MICAL1: variants seen among roughly 807,000 people sequenced by gnomAD.
MICAL1 encodes the protein [F-actin]-monooxygenase MICAL1.
Under a neutral mutation model 131.8 loss-of-function variants are expected in MICAL1, and 95 were observed. The observed-to-expected ratio is 0.72, with a 90% CI of 0.61 to 0.86. MICAL1 has a LOEUF of 0.86. MICAL1 is among the 40% of genes least tolerant of loss of function. The pLI is 0.00. For missense variants in MICAL1, 1,292 were observed against 1,380.6 expected, an observed-to-expected ratio of 0.94 and a Z score of 1.02; for synonymous variants, 546 against 554.2, an observed-to-expected ratio of 0.99 and a Z score of 0.21.
upstream of MICAL1, chr6:109,455,797 G>T: frequency 1.1e-6 from 1 of 883,000 alleles, no homozygotes; most frequent in Non-Finnish European, 1.3e-6. This position sits in a 1 kb window ranked among gnomAD's most constrained non-coding sequence, Gnocchi z 4.7. Context: ...GCGGGGGCGG[G>T]GGCGGGGGCG....
chr6:109,451,613 C>G lies in MICAL1; in HGVS notation c.920G>C (p.Gly307Ala), dbSNP rs1241662552. ...TAKKQCLLRL[G>A]VLRQDWPDTN... ...ACTGGGCCTCACCTGGCGCAGCACCCCCAGCCGCAGCAGGCACTGCTTCTT... is the reference window on the plus strand; with the variant it reads ...ACTGGGCCTCACCTGGCGCAGCACCGCCAGCCGCAGCAGGCACTGCTTCTT... The change falls in exon 7 of 25, where the codon GGG becomes GCG. Residue 307 changes from glycine to alanine, a missense_variant. Transcript: ENST00000358807. 1 of 1,613,976 alleles carries G rather than the reference C, an allele frequency of 6.2e-7. No homozygotes were observed. Among genetic ancestry groups the G allele is most frequent in the Non-Finnish European group, 8.5e-7 (1 of 1,179,984 alleles).
intron 13 of MICAL1, 26 bp downstream of exon 13, chr6:109,448,176 AT>A: frequency 1.3e-6 from 2 of 1,514,502 alleles, no homozygotes; most frequent in Non-Finnish European, 1.8e-6. Flanking sequence ...CATCCCAGTT[AT>A]CCTGCCCGCC....
rs1775173289 is a variant in MICAL1, at chr6:109,445,533, T to C, written c.2674-4A>G. ...TCTTGGCAAAGGTCTGCAGGGCCTA[T>C]AGGAGGGTCAGGCCAGTCAGGGATA... is the stretch of plus-strand genomic sequence containing the variant. On this transcript the variant is annotated splice_region_variant and splice_polypyrimidine_tract_variant and intron_variant, in intron 20 of 24. Coordinates refer to ENST00000358807, the MANE Select transcript of MICAL1 (RefSeq NM_022765.4). The C allele has an allele frequency of 6.2e-7, 1 of 1,613,992 alleles. No homozygotes were observed. The highest frequency in any genetic ancestry group is 8.5e-7 in the Non-Finnish European group (1 of 1,179,980).
In MICAL1 at chr6:109,451,640, G is replaced by C. The variant is rs1271582285; in HGVS notation, c.893C>G (p.Ala298Gly). The C allele has an allele frequency of 3.1e-6, 5 of 1,614,064 alleles. No homozygotes were observed. In the East Asian group the frequency reaches 1.1e-4, roughly 36 times the overall value. ...CAGCCGCAGCAGGCACTGCTTCTTG[G>C]CTGTCATCACAAAGTAGTGGGTGTC... ...KDDTHYFVMT[A>G]KKQCLLRLGV... The change falls in exon 7 of 25, where the codon GCC becomes GGC. Residue 298 changes from alanine (A) to glycine (G), a missense_variant. Ala to Gly is a moderately conservative substitution (Grantham distance 60, BLOSUM62 0). Transcript: ENST00000358807.
Position 109,445,452 on chromosome 6 carries a change from C to T in MICAL1, c.2751G>A (p.Ala917=), listed in dbSNP as rs748914346. ...AGAACCTCTTCATCTCCTCCTCCTTCGCACGGCGCAGCAGAGTCCGACGCC... is the reference window on the plus strand; with the variant it reads ...AGAACCTCTTCATCTCCTCCTCCTTTGCACGGCGCAGCAGAGTCCGACGCC... ...PTWRRTLLRR[A]KEEEMKRFCK... is the part of the protein sequence containing the mutation. The change falls in exon 21 of 25, where the codon GCG becomes GCA. Residue 917 remains alanine, a synonymous_variant. Transcript: ENST00000358807. 16 of 1,613,982 alleles carry T rather than the reference C, an allele frequency of 9.9e-6. 1 individual carries two copies. The highest frequency in any genetic ancestry group is 6.6e-5 in the South Asian group (6 of 91,090).
At chr6:109,455,856 C>T, upstream of MICAL1, 1 of 985,612 alleles carries the variant, frequency 1.0e-6, no homozygotes, top group Non-Finnish European at 1.2e-6. This position sits in a 1 kb window ranked among gnomAD's most constrained non-coding sequence, Gnocchi z 4.7. Flanking sequence ...CGGCCCGGGG[C>T]GTGCGCCTGG....
chr6:109,461,441 T>C (rs1775886330), intron 1 of MICAL1, among the ~76,000 whole-genome samples: 1 of 152,208 alleles, frequency 6.6e-6, no homozygotes, highest in South Asian at 2.1e-4. Flanking sequence ...ACTATTGTTT[T>C]ATGTAAAAAA....
Position 109,450,292 on chromosome 6 carries a change from C to A in MICAL1, c.1191+8G>T. On this transcript the variant is annotated splice_region_variant and intron_variant, in intron 8 of 24. Transcript: ENST00000358807. The stretch of plus-strand genomic sequence containing the variant: ...CCATGAAACCCCTGTGCCTCCTGAA[C>A]CCCTCACCTCCACCAGGCAGTCCCC... 6.3e-7 allele frequency: 1 copy of A among 1,599,770 alleles called. No homozygotes were observed.
chr6:109,451,710 C>T lies in MICAL1; in HGVS notation c.833-10G>A. On this transcript the variant is annotated splice_polypyrimidine_tract_variant and intron_variant, in intron 6 of 24. Transcript: ENST00000358807. Reference sequence around the variant, plus strand: ...TTCTCCAGATCAATGCCTGGGGGTACAGGGCAGGGGACAGTAGATATGTCT... The same window carrying T: ...TTCTCCAGATCAATGCCTGGGGGTATAGGGCAGGGGACAGTAGATATGTCT... 6.2e-7 allele frequency: 1 copy of T among 1,613,668 alleles called. No homozygotes were observed. Among genetic ancestry groups the T allele is most frequent in the Non-Finnish European group, 8.5e-7 (1 of 1,179,784 alleles).
In MICAL1 at chr6:109,446,753, C is replaced by G. The variant is rs1370897138; in HGVS notation, c.2247G>C (p.Gln749His). 6.2e-7 allele frequency: 1 copy of G among 1,613,712 alleles called. No homozygotes were observed. Among genetic ancestry groups the G allele is most frequent in the Non-Finnish European group, 8.5e-7 (1 of 1,179,876 alleles). Residue 749 changes from glutamine (Q) to histidine (H), a missense_variant, in exon 18 of 25, where the codon CAG (glutamine) becomes CAC (histidine). Transcript: ENST00000358807. ...HPGDGHFYCL[Q>H]HLPQTDHKAE... is the part of the protein sequence containing the mutation. ...CTTTGTGGTCTGTCTGGGGCAGGTG[C>G]TGGAGGCAGTAGAAATGTCCTGGAA...
At chr6:109,447,542 ACTAGGCAGGGAGG>A in intron 15 of MICAL1, 102 bp from the exon 16 acceptor site, 2 of 1,511,022 alleles carry the variant, frequency 1.3e-6, no homozygotes, top group Non-Finnish European at 1.8e-6. Context: ...GGGGAGTGAG[ACTAGGCAGGGAGG>A]CTGGATGGGG....
rs1243198169 is a variant in MICAL1 at position 109,452,258 on chromosome 6, G to A, written c.820C>T (p.Leu274Phe). 6.2e-7 allele frequency: 1 copy of A among 1,613,412 alleles called. No homozygotes were observed. Among genetic ancestry groups the A allele is most frequent in the South Asian group, 1.1e-5 (1 of 91,044 alleles). ...IYNQSFFQSL[L>F]KATGIDLENI... Reference sequence around the variant, plus strand: ...GAGGGTCCCTGACCTGTGGCTTTGAGAAGGCTCTGGAAGAAGCTCTGGTTG... The same window carrying A: ...GAGGGTCCCTGACCTGTGGCTTTGAAAAGGCTCTGGAAGAAGCTCTGGTTG... Residue 274 changes from leucine to phenylalanine, a missense_variant, in exon 6 of 25, where the codon CTC (leucine) becomes TTC (phenylalanine). Leu to Phe is a conservative substitution (Grantham distance 22, BLOSUM62 0). Transcript: ENST00000358807.
chr6:109,447,458 C>T lies in MICAL1; in HGVS notation c.1987-18G>A. On this transcript the variant is annotated intron_variant, in intron 15 of 24. Transcript: ENST00000358807. ...GCCTCCATCTAAGGAGGTAAGTGCT[C>T]AGGCAGGGAGGGTAGAGGGGCAGGG... is the stretch of plus-strand genomic sequence containing the variant. 1 of 1,606,420 alleles carries T rather than the reference C, an allele frequency of 6.2e-7. No homozygotes were observed. Among genetic ancestry groups the T allele is most frequent in the Non-Finnish European group, 8.5e-7 (1 of 1,176,092 alleles).
At position 109,447,678 on chromosome 6, in the gene MICAL1, C is replaced by A; in HGVS notation, c.1986+3G>T. On this transcript the variant is annotated splice_donor_region_variant and intron_variant, in intron 15 of 24. Transcript: ENST00000358807. ...AGACCGACCCGCCCCTGCCTGCATT[C>A]ACCTCCAAGCGCAGCTTCTTGCCAC... 6.2e-7 allele frequency: 1 copy of A among 1,613,978 alleles called. No homozygotes were observed. The highest frequency in any genetic ancestry group is 8.5e-7 in the Non-Finnish European group (1 of 1,179,964).
chr6:109,450,246 C>A (rs1167718716), intron 8 of MICAL1, 54 bp downstream of exon 8: 1 of 1,581,522 alleles, frequency 6.3e-7, no homozygotes, highest in East Asian at 2.3e-5. Flanking sequence ...CTCCTCCATA[C>A]TAGGCAGCTC....
intron 22 of MICAL1, 42 bp downstream of exon 22, chr6:109,445,155 A>T (rs541174438): frequency 6.2e-7 from 1 of 1,607,492 alleles, no homozygotes; most frequent in South Asian, 1.1e-5. Flanking sequence ...GGAGCTGAAC[A>T]CAGTGCTAGA....
chr6:109,448,493 G>A (rs1775349708), intron 12 of MICAL1, 100 bp from the exon 13 acceptor site: 11 of 1,415,332 alleles, frequency 7.8e-6, no homozygotes, highest in East Asian at 2.3e-5. Flanking sequence ...GCAGCAGCTG[G>A]GGTACAAGAA....
chr6:109,461,426 T>C (rs916216693), intron 1 of MICAL1, among the ~76,000 whole-genome samples: 1 of 152,192 alleles, frequency 6.6e-6, no homozygotes, highest in Non-Finnish European at 1.5e-5. Context: ...ACCGTAACTT[T>C]CACTACTATT....
intron 4 of MICAL1, 104 bp downstream of exon 4, chr6:109,453,159 C>T: frequency 1.1e-6 from 1 of 924,532 alleles, no homozygotes; most frequent in Non-Finnish European, 1.7e-6. Flanking sequence ...GACTCTGTCT[C>T]AAAACAAAAA....
Sources: allele counts gnomAD v4.1 joint callset (sites outside exome capture counted in the v4.1 genomes callset), GRCh38; gene constraint gnomAD v4.1.1; non-coding constraint Gnocchi (gnomAD v3.1); transcripts MANE v1.5; gene names NCBI Gene and HGNC (gene_info 2026-07-23, HGNC 2026-07-21).